OOSP3: variants seen among roughly 807,000 people sequenced by gnomAD.
OOSP3 encodes the protein oocyte-secreted protein 3.
Position 59,878,865 on chromosome 11 carries a change from TTCTG to T in OOSP3, c.58_61del (p.Glu21LysfsTer6). ...TCCTTTTGTGCACGATTTTGACTCTTTCTGAGCAAGAGTCAGGTACAAGTGACCT... is the reference window on the plus strand; with the variant it reads ...TCCTTTTGTGCACGATTTTGACTCTTAGCAAGAGTCAGGTACAAGTGACCT... On this transcript the variant is annotated frameshift_variant, in exon 1 of 5. Coordinates refer to ENST00000646438, the Ensembl canonical transcript of OOSP3. LOFTEE classifies it high-confidence loss of function. 1 of 398,560 alleles carries T rather than the reference TTCTG, an allele frequency of 2.5e-6. No individual in the cohort carries two copies. Among genetic ancestry groups the T allele is most frequent in the Non-Finnish European group, 4.4e-6 (1 of 226,034 alleles). 24.7% of individuals were successfully genotyped at this position (398,560 alleles called of 1,614,324 possible).
At chr11:59,894,539 A>G (rs1853339454) in intron 3 of OOSP3, among the ~76,000 whole-genome samples, 1 of 152,222 alleles carries the variant, frequency 6.6e-6, no homozygotes, top group Non-Finnish European at 1.5e-5. Context: ...ACTTGGAGGC[A>G]GGATTTGACT....
At chr11:59,885,045 C>T (rs555921332) in intron 2 of OOSP3, among the ~76,000 whole-genome samples, 1 of 152,018 alleles carries the variant, frequency 6.6e-6, no homozygotes, top group East Asian at 1.9e-4. Flanking sequence ...GAGGACGTGC[C>T]CTTTTATCTT....
rs73490963 is a variant in OOSP3, at chr11:59,892,277, C to G, written c.253-1802C>G. 5.4e-3 allele frequency among the ~76,000 whole-genome samples: 826 copies of G among 152,272 alleles called. 5 individuals are homozygous for G. Among genetic ancestry groups the G allele is most frequent in the African/African-American group, 0.018 (740 of 41,548 alleles). The stretch of plus-strand genomic sequence containing the variant: ...CCTCCCTTGACTGGGGGAGGGACGG[C>G]CCTTTTCCTTGTGCAGCTCCTGGGT... On this transcript the variant is annotated intron_variant, in intron 2 of 4. Coordinates refer to ENST00000646438, the Ensembl canonical transcript of OOSP3.
intron 2 of OOSP3, among the ~76,000 whole-genome samples, chr11:59,884,808 G>C (rs374887121): frequency 7.8e-4 from 119 of 152,158 alleles, no homozygotes; most frequent in African/African-American, 2.6e-3. Flanking sequence ...CAGGCCTCAT[G>C]TCATCTTTAA....
At chr11:59,889,891 C>T (rs539797392) in intron 2 of OOSP3, among the ~76,000 whole-genome samples, 4 of 152,190 alleles carry the variant, frequency 2.6e-5, no homozygotes, top group Non-Finnish European at 5.9e-5. Flanking sequence ...GTATTAAAGT[C>T]TCCCACTATT....
chr11:59,894,689 A>G (rs1853340723), intron 3 of OOSP3, among the ~76,000 whole-genome samples: 1 of 152,204 alleles, frequency 6.6e-6, no homozygotes, highest in African/African-American at 2.4e-5. Flanking sequence ...TCACCTGCAC[A>G]TAAATATCCT....
chr11:59,883,361 A>G (rs1385279394), intron 2 of OOSP3, among the ~76,000 whole-genome samples: 1 of 152,080 alleles, frequency 6.6e-6, no homozygotes, highest in Non-Finnish European at 1.5e-5. Flanking sequence ...ATTTTATTAA[A>G]CAGCCCATTT....
chr11:59,893,276 A>G (rs1329003051), intron 2 of OOSP3, among the ~76,000 whole-genome samples: 2 of 152,244 alleles, frequency 1.3e-5, no homozygotes, highest in Admixed American at 6.5e-5. Flanking sequence ...TGTAAAAATT[A>G]TCAATAGAAA....
rs556971695 is a variant in OOSP3 at position 59,894,795 on chromosome 11, T to C, written c.350+619T>C. ...TCCCCATGATCATGTAGCTAGGGAA[T>C]GGCAAGTCAGGACTTGAACACACCT... On this transcript the variant is annotated intron_variant, in intron 3 of 4. Coordinates refer to ENST00000646438, the Ensembl canonical transcript of OOSP3. Among the ~76,000 whole-genome samples, 9 of 152,274 alleles carry C rather than the reference T, an allele frequency of 5.9e-5. 1 individual carries two copies. The South Asian group carries it at 1.9e-3, about 32-fold the overall frequency.
intron 3 of OOSP3, among the ~76,000 whole-genome samples, chr11:59,895,079 C>A (rs1355183121): frequency 6.6e-6 from 1 of 152,026 alleles, no homozygotes; most frequent in African/African-American, 2.4e-5. Flanking sequence ...TACTATGGCC[C>A]TATGACTTTT....
chr11:59,888,466 A>G (rs1435286883), intron 2 of OOSP3, among the ~76,000 whole-genome samples: 5 of 152,090 alleles, frequency 3.3e-5, no homozygotes, highest in Non-Finnish European at 7.4e-5. Context: ...GTTTTGAGGT[A>G]TGTTCTTTCA....
At chr11:59,879,183 C>G (rs999020073) in intron 1 of OOSP3, among the ~76,000 whole-genome samples, 1 of 152,166 alleles carries the variant, frequency 6.6e-6, no homozygotes, top group Non-Finnish European at 1.5e-5. Flanking sequence ...AAGGTTTCAA[C>G]TTGCTCTTCC....
intron 2 of OOSP3, among the ~76,000 whole-genome samples, chr11:59,887,338 A>AT (rs1853272325): frequency 6.6e-6 from 1 of 152,038 alleles, no homozygotes; most frequent in Admixed American, 6.6e-5. Context: ...TTATGATGCA[A>AT]TTTTTTGGCA....
chr11:59,880,435 A>G (rs1853188888), exon 2 of OOSP3: 1 of 398,442 alleles, frequency 2.5e-6, no homozygotes, highest in East Asian at 3.6e-5. Flanking sequence ...GGGATTCAGA[A>G]AGAGGTAAGA....
In OOSP3 at chr11:59,890,786, T is replaced by C. The variant is rs188732881; in HGVS notation, c.253-3293T>C. ...GTTGATCTTCTCATGGAGTATCTTA[T>C]TGGGGTTCTCTGGATTTCCTGAATT... On this transcript the variant is annotated intron_variant, in intron 2 of 4. Coordinates refer to ENST00000646438, the Ensembl canonical transcript of OOSP3. 1.7e-4 allele frequency among the ~76,000 whole-genome samples: 26 copies of C among 152,266 alleles called. No homozygotes were observed. The East Asian group carries it at 4.8e-3, about 28-fold the overall frequency.
At chr11:59,888,908 C>A (rs1205053624) in intron 2 of OOSP3, among the ~76,000 whole-genome samples, 2 of 152,154 alleles carry the variant, frequency 1.3e-5, no homozygotes, top group Non-Finnish European at 2.9e-5. Flanking sequence ...TAGAATTCAG[C>A]TGTAAATCCA....
intron 2 of OOSP3, among the ~76,000 whole-genome samples, chr11:59,888,890 A>T (rs192402925): frequency 1.2e-4 from 18 of 152,242 alleles, no homozygotes; most frequent in Non-Finnish European, 2.6e-4. Context: ...TCCTCTTTGT[A>T]TCTCTGGTAG....
chr11:59,895,405 A>G (rs1332539320), intron 3 of OOSP3, 97 bp from the exon 4 acceptor site: 1 of 394,270 alleles, frequency 2.5e-6, no homozygotes, highest in African/African-American at 2.1e-5. Flanking sequence ...CTAAAGTAGA[A>G]GGAAAAAAAA....
intron 2 of OOSP3, among the ~76,000 whole-genome samples, chr11:59,889,546 A>C (rs911341427): frequency 1.3e-5 from 2 of 152,072 alleles, no homozygotes; most frequent in African/African-American, 4.8e-5. Flanking sequence ...CCTTAATTTC[A>C]TTATTTACCC....
Sources: allele counts gnomAD v4.1 joint callset (sites outside exome capture counted in the v4.1 genomes callset), GRCh38; gene constraint gnomAD v4.1.1; transcripts MANE v1.5; gene names NCBI Gene and HGNC (gene_info 2026-07-23, HGNC 2026-07-21).